The following SERP2 variants were observed in gnomAD, a reference collection of about 807,000 sequenced individuals.
SERP2 encodes stress associated endoplasmic reticulum protein family member 2.
A neutral mutation model predicts 9.1 loss-of-function variants in SERP2; 6 were observed. The ratio of observed to expected loss-of-function variants is 0.66; its 90% CI spans 0.36 to 1.30. The LOEUF (loss-of-function observed/expected upper bound fraction) is 1.30. Ranked by LOEUF, SERP2 falls within the 50% of genes most tolerant of loss-of-function variation. The pLI is 0.03. For synonymous variants in SERP2, 37 were observed against 27.3 expected, an observed-to-expected ratio of 1.35 and a Z score of -1.10; for missense variants, 58 against 81.9, an observed-to-expected ratio of 0.71 and a Z score of 1.13.
Position 44,381,180 on chromosome 13 carries a change from T to C in SERP2, c.157+1467T>C, listed in dbSNP as rs1048979792. Among the ~76,000 whole-genome samples, 10 of 140,398 alleles carry C rather than the reference T, an allele frequency of 7.1e-5. No homozygotes were observed. In the East Asian group the frequency reaches 2.1e-3, roughly 29 times the overall value. 92.1% of individuals were successfully genotyped at this position (140,398 alleles called of 152,430 possible). Reference sequence around the variant, plus strand: ...TGAACCCAGAAGGCAGAGGTTGCCATGAGCCAGAGATCGCGCCATTGCACT... The same window carrying C: ...TGAACCCAGAAGGCAGAGGTTGCCACGAGCCAGAGATCGCGCCATTGCACT... On this transcript the variant is annotated intron_variant, in intron 2 of 2. Transcript: ENST00000379179.
At chr13:44,387,436 C>T (rs1343380748) in intron 2 of SERP2, among the ~76,000 whole-genome samples, 2 of 152,204 alleles carry the variant, frequency 1.3e-5, no homozygotes, top group Non-Finnish European at 2.9e-5. Flanking sequence ...TTAGCCTAAA[C>T]TTTTTATAAG....
chr13:44,394,680 C>T (rs1458875966), intron 2 of SERP2, among the ~76,000 whole-genome samples: 1 of 152,194 alleles, frequency 6.6e-6, no homozygotes. Flanking sequence ...TTTGAGGTAC[C>T]TATTATCCAC....
At chr13:44,374,379 C>G (rs1871514560) in intron 1 of SERP2, among the ~76,000 whole-genome samples, 1 of 152,192 alleles carries the variant, frequency 6.6e-6, no homozygotes, top group South Asian at 2.1e-4. Context: ...CAGAGGAGCC[C>G]TCCTCCCCGA....
intron 2 of SERP2, among the ~76,000 whole-genome samples, chr13:44,381,268 G>A (rs1002945250): frequency 2.0e-5 from 3 of 147,726 alleles, no homozygotes; most frequent in Non-Finnish European, 3.0e-5. Context: ...AAAGCCAGGC[G>A]CAGTGGCTCA....
chr13:44,397,568 G>C lies in SERP2; in HGVS notation c.*256G>C. ...GGATTAGTAGCCACGCGGGTCGTCC[G>C]CAGCAGTGCTGTTTTTTTGGTTTTT... On this transcript the variant is annotated 3_prime_UTR_variant, in exon 3 of 3. Coordinates refer to ENST00000379179, the MANE Select transcript of SERP2 (RefSeq NM_001010897.3). The C allele has an allele frequency of 1.8e-6, 1 of 545,696 alleles. No individual in the cohort carries two copies. The highest frequency in any genetic ancestry group is 3.3e-6 in the Non-Finnish European group (1 of 303,840). 33.8% of individuals were successfully genotyped at this position (545,696 alleles called of 1,614,324 possible). A position where few individuals can be genotyped will look rare whatever the true frequency, so the allele number is the denominator to read the frequency against.
chr13:44,374,123 G>C lies in SERP2; in HGVS notation c.84+14G>C. ...GCCAAAACCCTGGTAAGGCGGGGTC[G>C]GCGCCGGCCAGGCAGAGCCCTGCAG... is the stretch of plus-strand genomic sequence containing the variant. On this transcript the variant is annotated intron_variant, in intron 1 of 2. Transcript: ENST00000379179. 1.9e-6 allele frequency: 3 copies of C among 1,551,720 alleles called. No homozygotes were observed. Among genetic ancestry groups the C allele is most frequent in the Non-Finnish European group, 2.6e-6 (3 of 1,150,130 alleles).
chr13:44,379,106 A>G (rs912001547), intron 1 of SERP2, among the ~76,000 whole-genome samples: 1 of 152,200 alleles, frequency 6.6e-6, no homozygotes, highest in Admixed American at 6.5e-5. Context: ...CTTGGAATTC[A>G]CAGATGCAAA....
chr13:44,391,139 C>T (rs1024658824), intron 2 of SERP2: 4 of 152,134 alleles, frequency 2.6e-5, no homozygotes, highest in Non-Finnish European at 4.4e-5. Flanking sequence ...TCCTATGGGA[C>T]CCACTTGTTA....
In SERP2 at chr13:44,390,439, C is replaced by A. The variant is rs193109997; in HGVS notation, c.158-6833C>A. 893 of 456,666 alleles carry A rather than the reference C, an allele frequency of 2.0e-3. 15 individuals are homozygous for A. In the Admixed American group the frequency reaches 0.02, roughly 10 times the overall value. The allele number at this position is 456,666 out of a possible 1,614,324, so 28.3% of individuals were successfully genotyped here. On this transcript the variant is annotated intron_variant, in intron 2 of 2. Coordinates refer to ENST00000379179, the MANE Select transcript of SERP2 (RefSeq NM_001010897.3). ...CATCCAGAGGGAGTCACCCCACCCCCAAGACCGGCAACTGAGATGTTTAAA... is the reference window on the plus strand; with the variant it reads ...CATCCAGAGGGAGTCACCCCACCCCAAAGACCGGCAACTGAGATGTTTAAA...
intron 1 of SERP2, 144 bp downstream of exon 1, chr13:44,374,253 G>A (rs952830069): frequency 7.5e-6 from 4 of 534,502 alleles, no homozygotes; most frequent in Admixed American, 4.5e-5. Flanking sequence ...CCTGCAGAGT[G>A]GGGGCTGAGA....
chr13:44,374,152 G>T, intron 1 of SERP2, 43 bp downstream of exon 1: 1 of 1,192,918 alleles, frequency 8.4e-7, no homozygotes, highest in East Asian at 3.3e-5. Flanking sequence ...CCTGCAGCCC[G>T]GCGGGGTGGG....
In SERP2 at chr13:44,397,425, TCC is replaced by T; in HGVS notation, c.*117_*118del. 1 of 804,366 alleles carries T rather than the reference TCC, an allele frequency of 1.2e-6. No individual in the cohort carries two copies. Among genetic ancestry groups the T allele is most frequent in the South Asian group, 1.5e-5 (1 of 68,702 alleles). 49.8% of individuals were successfully genotyped at this position (804,366 alleles called of 1,614,324 possible). A position where few individuals can be genotyped will look rare whatever the true frequency, so the allele number is the denominator to read the frequency against. ...GGCCACACGGAATAGAAAAAAACGC[TCC>T]CCCACTTGTTCCCTGATCACTTCAT... On this transcript the variant is annotated 3_prime_UTR_variant, in exon 3 of 3. Transcript: ENST00000379179.
At chr13:44,374,538 C>T (rs1370468375) in intron 1 of SERP2, among the ~76,000 whole-genome samples, 1 of 152,128 alleles carries the variant, frequency 6.6e-6, no homozygotes, top group Non-Finnish European at 1.5e-5. Flanking sequence ...GACACAGAGC[C>T]TGGAACCTAG....
chr13:44,386,172 T>C lies in SERP2; in HGVS notation c.157+6459T>C, dbSNP rs978317708. Among the ~76,000 whole-genome samples, 13 of 152,118 alleles carry C rather than the reference T, an allele frequency of 8.5e-5. No individual in the cohort carries two copies. In the South Asian group the frequency reaches 2.5e-3, roughly 29 times the overall value. On this transcript the variant is annotated intron_variant, in intron 2 of 2. Transcript: ENST00000379179. ...ACACCAATATGCAGACCACAATCAATGAACAGCAGTTTGTCCTTTAATTTG... is the reference window on the plus strand; with the variant it reads ...ACACCAATATGCAGACCACAATCAACGAACAGCAGTTTGTCCTTTAATTTG...
At position 44,397,428 on chromosome 13, in the gene SERP2, C is replaced by T; in HGVS notation, c.*116C>T. 1.3e-6 allele frequency: 1 copy of T among 763,144 alleles called. No homozygotes were observed. Among genetic ancestry groups the T allele is most frequent in the Non-Finnish European group, 2.3e-6 (1 of 441,578 alleles). 47.3% of individuals were successfully genotyped at this position (763,144 alleles called of 1,614,324 possible). A position where few individuals can be genotyped will look rare whatever the true frequency, so the allele number is the denominator to read the frequency against. ...CACACGGAATAGAAAAAAACGCTCC[C>T]CCACTTGTTCCCTGATCACTTCATC... is the stretch of plus-strand genomic sequence containing the variant. On this transcript the variant is annotated 3_prime_UTR_variant, in exon 3 of 3. Coordinates refer to ENST00000379179, the MANE Select transcript of SERP2 (RefSeq NM_001010897.3).
chr13:44,396,131 A>C (rs181158065), intron 2 of SERP2: 123 of 189,230 alleles, frequency 6.5e-4, no homozygotes, highest in African/African-American at 2.6e-3. Flanking sequence ...AAGCCAAAAA[A>C]TGCATTCATG....
chr13:44,397,387 C>A lies in SERP2; in HGVS notation c.*75C>A. On this transcript the variant is annotated 3_prime_UTR_variant, in exon 3 of 3. Coordinates refer to ENST00000379179, the MANE Select transcript of SERP2 (RefSeq NM_001010897.3). ...AACGGAAGCGGTCAGCCAGTTTCTG[C>A]GGGAAACAAGCAGGCCACACGGAAT... The A allele has an allele frequency of 2.6e-6, 3 of 1,171,472 alleles. No individual in the cohort carries two copies. The highest frequency in any genetic ancestry group is 3.8e-6 in the Non-Finnish European group (3 of 781,422). The allele number at this position is 1,171,472 out of a possible 1,614,324, so 72.6% of individuals were successfully genotyped here.
intron 1 of SERP2, 58 bp downstream of exon 1, chr13:44,374,167 A>AGGTGGGGGCGGGGCCGGGGCGG (rs1234850449): frequency 5.6e-5 from 1 of 17,926 alleles, no homozygotes; most frequent in Non-Finnish European, 7.5e-5. Flanking sequence ...GGTGGGGCGG[A>AGGTGGGGGCGGGGCCGGGGCGG]AGGTGGGGGC....
Position 44,397,373 on chromosome 13 carries a change from T to C in SERP2, c.*61T>C. 7.7e-7 allele frequency: 1 copy of C among 1,303,684 alleles called. No individual in the cohort carries two copies. The allele number at this position is 1,303,684 out of a possible 1,614,324, so 80.8% of individuals were successfully genotyped here. ...GGAGGCGGGAGGACAACGGAAGCGG[T>C]CAGCCAGTTTCTGCGGGAAACAAGC... On this transcript the variant is annotated 3_prime_UTR_variant, in exon 3 of 3. Transcript: ENST00000379179.
Sources: allele counts gnomAD v4.1 joint callset (sites outside exome capture counted in the v4.1 genomes callset), GRCh38; gene constraint gnomAD v4.1.1; transcripts MANE v1.5; gene names NCBI Gene and HGNC (gene_info 2026-07-23, HGNC 2026-07-21).